The following CACNA1C variants were observed in gnomAD, a reference collection of about 807,000 sequenced individuals.
CACNA1C encodes calcium voltage-gated channel subunit alpha1 C, also known as voltage-dependent L-type calcium channel subunit alpha-1C.
Under a neutral mutation model 229.0 loss-of-function variants are expected in CACNA1C, and 30 were observed. The ratio of observed to expected loss-of-function variants is 0.13; its 90% CI spans 0.10 to 0.18. The LOEUF (loss-of-function observed/expected upper bound fraction) is 0.18. Ranked by LOEUF, CACNA1C falls within the 10% of genes least tolerant of loss-of-function variation. The pLI, the probability that CACNA1C is intolerant of heterozygous loss-of-function variation, is 1.00. For missense variants in CACNA1C, 1,658 were observed against 2,845.0 expected (o/e 0.58, Z 9.49); for synonymous variants, 1,114 against 1,132.5 (o/e 0.98, Z 0.33).
intron 3 of CACNA1C, among the ~76,000 whole-genome samples, chr12:2,387,284 A>G (rs1310750179): frequency 6.6e-6 from 1 of 152,184 alleles, no homozygotes; most frequent in Non-Finnish European, 1.5e-5. Context: ...CAGGAGTTCG[A>G]GACCAGCCTG....
At chr12:2,487,988 C>T (rs1567981203) in intron 6 of CACNA1C, among the ~76,000 whole-genome samples, 1 of 152,184 alleles carries the variant, frequency 6.6e-6, no homozygotes, top group African/African-American at 2.4e-5. Flanking sequence ...ACCCAAACTC[C>T]TCAGGAAGTC....
intron 1 of CACNA1C, 45 bp from the exon 2 acceptor site, chr12:2,115,179 G>A: frequency 7.1e-7 from 1 of 1,410,962 alleles, no homozygotes; most frequent in South Asian, 1.5e-5. Flanking sequence ...AAGTGCCCCT[G>A]TTTTCTATCT....
chr12:2,501,440 G>T (rs545610859), intron 7 of CACNA1C, among the ~76,000 whole-genome samples: 56 of 152,214 alleles, frequency 3.7e-4, no homozygotes, highest in African/African-American at 1.3e-3. Context: ...CAGAGAGTCC[G>T]ATACACAACA....
chr12:2,426,874 T>C (rs1203946772), intron 3 of CACNA1C, among the ~76,000 whole-genome samples: 1 of 152,250 alleles, frequency 6.6e-6, no homozygotes, highest in Non-Finnish European at 1.5e-5. Context: ...AGAAAAGTTC[T>C]CAGTGTGAGA....
At chr12:2,043,717 G>A (rs1234718982) in intron 1 of CACNA1C, among the ~76,000 whole-genome samples, 2 of 137,272 alleles carry the variant, frequency 1.5e-5, no homozygotes, top group African/African-American at 5.8e-5. Context: ...CTGCAGTGGC[G>A]CAATCTCGGC....
rs2153905198 is a variant in CACNA1C at position 2,697,359 on chromosome 12, A to G, written c.*6160A>G. ...GAGAATAACCCATGGCAAAACACGC[A>G]CATTCATTAAGAAATAGGGCGACAG... On this transcript the variant is annotated 3_prime_UTR_variant, in exon 47 of 47. Coordinates refer to ENST00000399655, the MANE Select transcript of CACNA1C (RefSeq NM_000719.7). 1 of 152,296 alleles carries G rather than the reference A, an allele frequency of 6.6e-6. No homozygotes were observed. Among genetic ancestry groups the G allele is most frequent in the South Asian group, 2.1e-4 (1 of 4,828 alleles). 9.4% of individuals were successfully genotyped at this position (152,296 alleles called of 1,614,324 possible). A position where few individuals can be genotyped will look rare whatever the true frequency, so the allele number is the denominator to read the frequency against.
At chr12:2,087,490 C>T (rs2068154575) in intron 1 of CACNA1C, among the ~76,000 whole-genome samples, 1 of 152,136 alleles carries the variant, frequency 6.6e-6, no homozygotes, top group African/African-American at 2.4e-5. Context: ...GCAGATAAGC[C>T]TGAAGTTAAT....
chr12:2,475,738 G>A (rs1185498949), intron 5 of CACNA1C, among the ~76,000 whole-genome samples: 2 of 132,604 alleles, frequency 1.5e-5, no homozygotes, highest in Non-Finnish European at 3.2e-5. Context: ...GGAATAAGTG[G>A]ATGCTCACAT....
At chr12:2,097,160 T>A (rs973224303) in intron 1 of CACNA1C, among the ~76,000 whole-genome samples, 2 of 152,178 alleles carry the variant, frequency 1.3e-5, no homozygotes, top group African/African-American at 2.4e-5. Flanking sequence ...TTATTTATTT[T>A]TTTGAGATGG....
chr12:2,437,273 G>T (rs987728955), intron 3 of CACNA1C, among the ~76,000 whole-genome samples: 8 of 152,308 alleles, frequency 5.3e-5, no homozygotes, highest in Admixed American at 2.6e-4. Flanking sequence ...GGAGGCCTGT[G>T]CAGCAGCCAG....
intron 3 of CACNA1C, among the ~76,000 whole-genome samples, chr12:2,367,545 C>T (rs1487329983): frequency 6.6e-6 from 1 of 152,102 alleles, no homozygotes; most frequent in Non-Finnish European, 1.5e-5. Context: ...TTGGTTAAAA[C>T]AGAAAATGTA....
chr12:2,058,236 C>G (rs1458686957), intron 1 of CACNA1C, among the ~76,000 whole-genome samples: 5 of 152,190 alleles, frequency 3.3e-5, no homozygotes, highest in Admixed American at 3.3e-4. Flanking sequence ...ACAGTAATTC[C>G]TCCCGCCTGA....
At chr12:2,182,851 T>C (rs2096882890) in intron 3 of CACNA1C, among the ~76,000 whole-genome samples, 1 of 152,126 alleles carries the variant, frequency 6.6e-6, no homozygotes, top group African/African-American at 2.4e-5. Context: ...GCAGACATCT[T>C]GCAGGCAGGG....
chr12:2,682,440 G>A (rs745871428), intron 42 of CACNA1C, 110 bp from the exon 43 acceptor site: 1 of 1,277,808 alleles, frequency 7.8e-7, no homozygotes, highest in Non-Finnish European at 1.1e-6. Context: ...GCTTGTGTTT[G>A]TGCACGTGTG....
rs889592672 is a variant in CACNA1C at position 2,512,646 on chromosome 12, C to T, written c.1218-166C>T. On this transcript the variant is annotated intron_variant, in intron 8 of 46. Transcript: ENST00000399655. The surrounding 1 kb of genome is among the most constrained non-coding windows in gnomAD (Gnocchi z 4.3). The stretch of plus-strand genomic sequence containing the variant: ...AGTAGACCTAACCTAGGCTGACTAG[C>T]GGAGCTGTCTGTGGAAAGTAGGGGC... 5.3e-5 allele frequency among the ~76,000 whole-genome samples: 8 copies of T among 152,052 alleles called. No homozygotes were observed. Among genetic ancestry groups the T allele is most frequent in the African/African-American group, 1.7e-4 (7 of 41,402 alleles).
intron 3 of CACNA1C, among the ~76,000 whole-genome samples, chr12:2,289,187 A>G (rs1207575442): frequency 6.6e-6 from 1 of 152,080 alleles, no homozygotes; most frequent in Non-Finnish European, 1.5e-5. Context: ...GGGTGCAGAC[A>G]GTACAGAGGG....
intron 9 of CACNA1C, among the ~76,000 whole-genome samples, chr12:2,543,501 C>G (rs1568329596): frequency 6.6e-6 from 1 of 152,180 alleles, no homozygotes; most frequent in Admixed American, 6.5e-5. Context: ...GCTTTGATAC[C>G]ACTATGTAAT....
At chr12:2,186,062 C>T (rs918910422) in intron 3 of CACNA1C, among the ~76,000 whole-genome samples, 21 of 152,176 alleles carry the variant, frequency 1.4e-4, no homozygotes, top group Non-Finnish European at 2.5e-4. Context: ...GAGGTGGCTA[C>T]GGCCAGACTC....
intron 3 of CACNA1C, among the ~76,000 whole-genome samples, chr12:2,369,248 T>C (rs1167242465): frequency 6.6e-6 from 1 of 152,196 alleles, no homozygotes; most frequent in Non-Finnish European, 1.5e-5. Context: ...AAAATAACTT[T>C]AAGGTGCTTC....
Sources: allele counts gnomAD v4.1 joint callset (sites outside exome capture counted in the v4.1 genomes callset), GRCh38; gene constraint gnomAD v4.1.1; non-coding constraint Gnocchi (gnomAD v3.1); transcripts MANE v1.5; gene names NCBI Gene and HGNC (gene_info 2026-07-23, HGNC 2026-07-21).